Variants in NIPSNAP3A observed in about 807,000 individuals in gnomAD.
NIPSNAP3A encodes the protein nipsnap homolog 3A.
A neutral mutation model predicts 32.3 loss-of-function variants in NIPSNAP3A; 27 were observed. The observed-to-expected ratio is 0.84, with a 90% CI of 0.62 to 1.15. NIPSNAP3A has a LOEUF of 1.15. Among genes scored for constraint, NIPSNAP3A ranks in the 50% most tolerant of loss-of-function variants. NIPSNAP3A has a pLI of 0.00. For missense variants in NIPSNAP3A, 278 were observed against 297.2 expected, an observed-to-expected ratio of 0.94 and a Z score of 0.48; for synonymous variants, 108 against 107.3, an observed-to-expected ratio of 1.01 and a Z score of -0.04.
chr9:104,757,635 GA>G (rs1400112607), intron 4 of NIPSNAP3A, among the ~76,000 whole-genome samples: 1 of 152,162 alleles, frequency 6.6e-6, no homozygotes, highest in Non-Finnish European at 1.5e-5. Context: ...AATGTAGTAT[GA>G]CCTTCTTTAT....
At chr9:104,758,996 A>T in intron 4 of NIPSNAP3A, 89 bp from the exon 5 acceptor site, 19 of 955,808 alleles carry the variant, frequency 2.0e-5, no homozygotes, top group Non-Finnish European at 2.6e-5. Flanking sequence ...AAAAAAAAAA[A>T]GAATAGGATG....
chr9:104,752,176 T>C (rs1827854499), intron 2 of NIPSNAP3A, among the ~76,000 whole-genome samples: 1 of 152,142 alleles, frequency 6.6e-6, no homozygotes. Flanking sequence ...ATTATAGTAC[T>C]AGGCCCATAT....
At chr9:104,750,906 T>C in intron 1 of NIPSNAP3A, 50 bp from the exon 2 acceptor site, 2 of 1,412,532 alleles carry the variant, frequency 1.4e-6, no homozygotes, top group Non-Finnish European at 2.0e-6. Context: ...TAACACAATA[T>C]AATGAATCCT....
At chr9:104,755,674 G>A (rs952415804) in intron 4 of NIPSNAP3A, among the ~76,000 whole-genome samples, 1 of 152,004 alleles carries the variant, frequency 6.6e-6, no homozygotes, top group Non-Finnish European at 1.5e-5. Context: ...TAATTCCAGC[G>A]CTTTTGGGAG....
At chr9:104,756,222 A>G (rs1382541402) in intron 4 of NIPSNAP3A, among the ~76,000 whole-genome samples, 5 of 152,196 alleles carry the variant, frequency 3.3e-5, no homozygotes, top group Non-Finnish European at 7.4e-5. Flanking sequence ...GCTGGATTGT[A>G]TATTTTAATG....
intron 4 of NIPSNAP3A, among the ~76,000 whole-genome samples, chr9:104,755,350 A>G (rs977575312): frequency 1.3e-5 from 2 of 148,712 alleles, no homozygotes; most frequent in African/African-American, 5.0e-5. Flanking sequence ...TATTTGGGGT[A>G]GGGAGATTAT....
chr9:104,747,834 A>C lies in NIPSNAP3A; in HGVS notation c.42A>C (p.Ser14=), dbSNP rs1216835274. The C allele has an allele frequency of 1.2e-6, 2 of 1,608,372 alleles. No individual in the cohort carries two copies. The highest frequency in any genetic ancestry group is 1.7e-6 in the Non-Finnish European group (2 of 1,178,888). ...LRSALTRALA[S]RTLAPQMCSS... is the part of the protein sequence containing the mutation. Reference sequence around the variant, plus strand: ...GCGCCCTGACTCGGGCGCTGGCCTCACGGACGCTGGCGCCTCAGGTACCGG... The same window carrying C: ...GCGCCCTGACTCGGGCGCTGGCCTCCCGGACGCTGGCGCCTCAGGTACCGG... The change falls in exon 1 of 6, where the codon TCA becomes TCC. Residue 14 remains serine, a synonymous_variant. Coordinates refer to ENST00000374767, the MANE Select transcript of NIPSNAP3A (RefSeq NM_015469.3).
At chr9:104,753,813 C>G (rs1391077537) in intron 3 of NIPSNAP3A, 1 of 152,368 alleles carries the variant, frequency 6.6e-6, no homozygotes, top group Admixed American at 6.5e-5. Context: ...CCCCTCAGCT[C>G]TCAGCACTAT....
At chr9:104,754,737 T>C in intron 4 of NIPSNAP3A, 37 bp downstream of exon 4, 1 of 1,566,324 alleles carries the variant, frequency 6.4e-7, no homozygotes, top group Non-Finnish European at 8.8e-7. Context: ...GAAATTGTAA[T>C]ATATATTGTG....
At chr9:104,753,563 GTCT>G (rs1269188660) in intron 3 of NIPSNAP3A, 3 of 153,386 alleles carry the variant, frequency 2.0e-5, no homozygotes, top group African/African-American at 4.8e-5. Context: ...TAACTTTTGT[GTCT>G]TCTTTCTTGT....
At chr9:104,750,341 T>C (rs1827832489) in intron 1 of NIPSNAP3A, among the ~76,000 whole-genome samples, 1 of 152,184 alleles carries the variant, frequency 6.6e-6, no homozygotes, top group Non-Finnish European at 1.5e-5. Flanking sequence ...AAGGTGACAG[T>C]GAACCCCCAC....
At chr9:104,752,523 A>T (rs751507013) in intron 2 of NIPSNAP3A, among the ~76,000 whole-genome samples, 6 of 152,184 alleles carry the variant, frequency 3.9e-5, no homozygotes, top group Non-Finnish European at 1.5e-5. Context: ...ACTAGTGCCA[A>T]CCGCTATATT....
chr9:104,752,909 A>G lies in NIPSNAP3A; in HGVS notation c.275A>G (p.Asn92Ser), dbSNP rs917463832. The change falls in exon 3 of 6, where the codon AAT becomes AGT. Residue 92 changes from asparagine to serine, a missense_variant. Transcript: ENST00000374767. Reference protein sequence around the residue: ...NTVFHIWKYDNFAHRTEVRKA... With the variant: ...NTVFHIWKYDSFAHRTEVRKA... ...CTTAATTCTTTTCTTCCCACAGATAATTTTGCTCATCGAACTGAAGTTCGG... is the reference window on the plus strand; with the variant it reads ...CTTAATTCTTTTCTTCCCACAGATAGTTTTGCTCATCGAACTGAAGTTCGG... 3 of 1,611,418 alleles carry G rather than the reference A, an allele frequency of 1.9e-6. No individual in the cohort carries two copies. The African/African-American group carries it at 4.0e-5, about 22-fold the overall frequency.
chr9:104,747,855 A>G lies in NIPSNAP3A; in HGVS notation c.60+3A>G, dbSNP rs767383412. On this transcript the variant is annotated splice_donor_region_variant and intron_variant, in intron 1 of 5. Coordinates refer to ENST00000374767, the MANE Select transcript of NIPSNAP3A (RefSeq NM_015469.3). ...CCTCACGGACGCTGGCGCCTCAGGT[A>G]CCGGCCACGGGGGTACCCAAGCCTT... is the stretch of plus-strand genomic sequence containing the variant. The G allele has an allele frequency of 1.4e-5, 22 of 1,606,646 alleles. No homozygotes were observed. The highest frequency in any genetic ancestry group is 1.2e-4 in the Admixed American group (7 of 59,580).
intron 2 of NIPSNAP3A, 75 bp downstream of exon 2, chr9:104,751,241 A>G: frequency 5.4e-6 from 7 of 1,288,402 alleles, no homozygotes; most frequent in East Asian, 2.3e-5. Context: ...TGTTAAATGT[A>G]ACATAAAACT....
At chr9:104,756,096 A>G (rs1827902821) in intron 4 of NIPSNAP3A, among the ~76,000 whole-genome samples, 1 of 152,216 alleles carries the variant, frequency 6.6e-6, no homozygotes, top group Non-Finnish European at 1.5e-5. Flanking sequence ...AATCTATCAT[A>G]AGAAAATAGA....
chr9:104,749,445 T>G (rs1334384708), intron 1 of NIPSNAP3A, among the ~76,000 whole-genome samples: 1 of 152,226 alleles, frequency 6.6e-6, no homozygotes, highest in Non-Finnish European at 1.5e-5. Flanking sequence ...AACAAAAATA[T>G]GTCGGAGCAA....
intron 4 of NIPSNAP3A, among the ~76,000 whole-genome samples, chr9:104,757,963 A>G (rs1827925392): frequency 6.6e-6 from 1 of 152,048 alleles, no homozygotes; most frequent in Non-Finnish European, 1.5e-5. Context: ...TACACCAAAT[A>G]TAAAAGAGAT....
At chr9:104,757,219 C>T (rs139424325) in intron 4 of NIPSNAP3A, among the ~76,000 whole-genome samples, 32 of 152,078 alleles carry the variant, frequency 2.1e-4, no homozygotes, top group Middle Eastern at 3.2e-3. Flanking sequence ...GTAATCAGTA[C>T]ATCATTTCTG....
Sources: gnomAD v4.1 joint callset for allele counts (sites outside exome capture counted in the v4.1 genomes callset) on GRCh38, gnomAD v4.1.1 for gene constraint, MANE v1.5 for transcripts, NCBI Gene and HGNC (gene_info 2026-07-23, HGNC 2026-07-21) for gene names.